Variants in SEL1L3 observed in about 807,000 individuals in gnomAD.
SEL1L3 encodes SEL1L family member 3.
In SEL1L3, 76 loss-of-function variants were observed where a neutral mutation model predicts 142.8. That is an observed-to-expected ratio of 0.53 (90% confidence interval 0.44 to 0.64). The LOEUF is 0.64. SEL1L3 is among the 30% of genes least tolerant of loss of function. The probability of loss-of-function intolerance (pLI) is 0.00; values close to 1 mark genes in which losing one functional copy is unlikely to be tolerated. For synonymous variants in SEL1L3, 504 were observed against 519.6 expected, an observed-to-expected ratio of 0.97 and a Z score of 0.41; for missense variants, 1,262 against 1,381.7, an observed-to-expected ratio of 0.91 and a Z score of 1.37.
At chr4:25,769,943 C>T (rs1044441695) in intron 17 of SEL1L3, among the ~76,000 whole-genome samples, 1 of 152,004 alleles carries the variant, frequency 6.6e-6, no homozygotes, top group Non-Finnish European at 1.5e-5. Flanking sequence ...GCCTGGGCAA[C>T]AGTAGAAACC....
downstream of SEL1L3, among the ~76,000 whole-genome samples, chr4:25,744,078 G>C (rs556741190): frequency 6.6e-6 from 1 of 152,242 alleles, no homozygotes; most frequent in East Asian, 1.9e-4. Flanking sequence ...CCTGAACCCA[G>C]GTTTGACCCT....
rs777436484 is a variant in SEL1L3 at position 25,830,109 on chromosome 4, A to T, written c.1146T>A (p.Asn382Lys). ...SIGQDLKSYHNQTISFREDFH... is the reference protein window; with the variant it reads ...SIGQDLKSYHKQTISFREDFH... ...AAAATCGCACTTACCTAATGGTCTG[A>T]TTGTGGTAGCTTTTCAAATCCTGTC... Residue 382 changes from asparagine (N) to lysine (K), a missense_variant, in exon 6 of 24, where the codon AAT becomes AAA. Coordinates refer to ENST00000399878, the MANE Select transcript of SEL1L3 (RefSeq NM_015187.5). The T allele has an allele frequency of 3.7e-6, 6 of 1,609,980 alleles. No homozygotes were observed. Among genetic ancestry groups the T allele is most frequent in the Non-Finnish European group, 5.1e-6 (6 of 1,176,454 alleles).
chr4:25,787,680 TCTCA>T (rs1365658141), intron 13 of SEL1L3, among the ~76,000 whole-genome samples: 2 of 152,194 alleles, frequency 1.3e-5, no homozygotes, highest in African/African-American at 2.4e-5. Flanking sequence ...GGTCCTATTA[TCTCA>T]CTCAATTTGT....
At chr4:25,777,586 C>A (rs909599016) in intron 16 of SEL1L3, 2 of 321,112 alleles carry the variant, frequency 6.2e-6, no homozygotes, top group South Asian at 2.6e-5. Context: ...TGACCATATA[C>A]CAATCATAAA....
chr4:25,772,463 G>C (rs557179721), intron 17 of SEL1L3, among the ~76,000 whole-genome samples: 2 of 152,258 alleles, frequency 1.3e-5, no homozygotes, highest in African/African-American at 4.8e-5. Flanking sequence ...CTATGACCTA[G>C]AGTCCCCACT....
chr4:25,810,374 A>T (rs1324076395), intron 9 of SEL1L3, among the ~76,000 whole-genome samples: 4 of 152,144 alleles, frequency 2.6e-5, no homozygotes, highest in Non-Finnish European at 5.9e-5. Flanking sequence ...CCATCCCTGC[A>T]GCCTCTCACC....
chr4:25,811,773 G>GTTTTTTT (rs1714047994), intron 9 of SEL1L3, among the ~76,000 whole-genome samples: 1 of 118,644 alleles, frequency 8.4e-6, no homozygotes, highest in Non-Finnish European at 1.7e-5. Context: ...TTTTGTTGTT[G>GTTTTTTT]TTGTTGTTAG....
Position 25,788,378 on chromosome 4 carries a change from G to A in SEL1L3, c.2077-14C>T. ...GGCCAATCGTTGCTTAAAGATAATAGCAATTTAGAACAATGACTTTTCCTG... is the reference window on the plus strand; with the variant it reads ...GGCCAATCGTTGCTTAAAGATAATAACAATTTAGAACAATGACTTTTCCTG... On this transcript the variant is annotated splice_polypyrimidine_tract_variant and intron_variant, in intron 12 of 23. Transcript: ENST00000399878. The surrounding 1 kb of genome is among the most constrained non-coding windows in gnomAD (Gnocchi z 5.3). The A allele has an allele frequency of 6.2e-7, 1 of 1,613,218 alleles. No homozygotes were observed. Among genetic ancestry groups the A allele is most frequent in the Non-Finnish European group, 8.5e-7 (1 of 1,179,670 alleles).
At position 25,750,047 on chromosome 4, in the gene SEL1L3, A is replaced by C. The variant is rs542886907; in HGVS notation, c.3260-1483T>G. On this transcript the variant is annotated intron_variant, in intron 23 of 23. Transcript: ENST00000399878. Reference sequence around the variant, plus strand: ...TCAGGAGTTTGAGACCAGGCTGGCCAACATGGTGAAACCCTCTCTCTACTA... The same window carrying C: ...TCAGGAGTTTGAGACCAGGCTGGCCCACATGGTGAAACCCTCTCTCTACTA... Among the ~76,000 whole-genome samples, 5 of 152,154 alleles carry C rather than the reference A, an allele frequency of 3.3e-5. No homozygotes were observed. In the East Asian group the frequency reaches 9.7e-4, roughly 30 times the overall value.
At chr4:25,769,944 A>G (rs1424805206) in intron 17 of SEL1L3, among the ~76,000 whole-genome samples, 6 of 152,166 alleles carry the variant, frequency 3.9e-5, no homozygotes, top group African/African-American at 1.4e-4. Context: ...CCTGGGCAAC[A>G]GTAGAAACCC....
Position 25,862,709 on chromosome 4 carries a change from C to G in SEL1L3, c.128G>C (p.Arg43Pro). ...GAGCAGGAGCAGCGCGCAGGCAGAG[C>G]GGCCGCCGAGGCCCTGGGGGACGCC... Reference protein sequence around the residue: ...SGGVPQGLGGRSACALLLLCY... With the variant: ...SGGVPQGLGGPSACALLLLCY... Residue 43 changes from arginine (R) to proline (P), a missense_variant, in exon 1 of 24, where the codon CGC becomes CCC. This residue lies in a region of SEL1L3 where 689 missense variants were observed against 692.8 expected (regional missense o/e 0.99). Transcript: ENST00000399878. 1 of 1,298,038 alleles carries G rather than the reference C, an allele frequency of 7.7e-7. No individual in the cohort carries two copies. Among genetic ancestry groups the G allele is most frequent in the Non-Finnish European group, 9.8e-7 (1 of 1,020,372 alleles). 80.4% of individuals were successfully genotyped at this position (1,298,038 alleles called of 1,614,324 possible).
chr4:25,748,499 C>G lies in SEL1L3; in HGVS notation c.3325G>C (p.Ala1109Pro), dbSNP rs768099099. 1 of 1,612,130 alleles carries G rather than the reference C, an allele frequency of 6.2e-7. No individual in the cohort carries two copies. The highest frequency in any genetic ancestry group is 1.1e-5 in the South Asian group (1 of 90,370). ...PDTATSTASP[A>P]VTPAADASDQ... The stretch of plus-strand genomic sequence containing the variant: ...GAGGCATCTGCAGCTGGAGTCACAG[C>G]TGGACTTGCAGTGGACGTGGCAGTG... Residue 1109 changes from alanine (A) to proline (P), a missense_variant, in exon 24 of 24, where the codon GCT becomes CCT. Coordinates refer to ENST00000399878, the MANE Select transcript of SEL1L3 (RefSeq NM_015187.5).
At chr4:25,742,494 C>T (rs1218571356), downstream of SEL1L3, among the ~76,000 whole-genome samples, 1 of 152,052 alleles carries the variant, frequency 6.6e-6, no homozygotes, top group Non-Finnish European at 1.5e-5. Context: ...GATGGGGTTT[C>T]ACCACGTTGG....
In SEL1L3 at chr4:25,831,513, T is replaced by TAATA. The variant is rs1560340097; in HGVS notation, c.1099-1358_1099-1357insTATT. ...TTTAAATAATAATAATAATAATAAT[T>TAATA]ATTATTATTATTATTATTATTATTA... On this transcript the variant is annotated intron_variant, in intron 5 of 23. Transcript: ENST00000399878. 6.5e-3 allele frequency among the ~76,000 whole-genome samples: 656 copies of TAATA among 100,778 alleles called. 3 individuals are homozygous for TAATA. The highest frequency in any genetic ancestry group is 0.016 in the Middle Eastern group (3 of 188). 66.1% of individuals were successfully genotyped at this position (100,778 alleles called of 152,430 possible).
At chr4:25,720,279 G>A in the SEL1L3 span, 92 of 152,218 alleles carry the variant, frequency 6.0e-4, no homozygotes, top group African/African-American at 2.2e-3. Flanking sequence ...CTACTGGGAA[G>A]AATTTTAAGG....
At chr4:25,798,079 AG>A (rs1428307290) in intron 11 of SEL1L3, among the ~76,000 whole-genome samples, 6 of 152,128 alleles carry the variant, frequency 3.9e-5, no homozygotes, top group Admixed American at 6.5e-5. Context: ...CCTGGCCAAA[AG>A]TTTGGTGTTG....
At chr4:25,777,000 C>T (rs1435614682) in intron 16 of SEL1L3, among the ~76,000 whole-genome samples, 2 of 151,406 alleles carry the variant, frequency 1.3e-5, no homozygotes, top group Non-Finnish European at 2.9e-5. Context: ...GGACAAAATA[C>T]ACCAATTAAA....
intron 20 of SEL1L3, among the ~76,000 whole-genome samples, chr4:25,764,073 A>G (rs967062020): frequency 6.6e-6 from 1 of 152,260 alleles, no homozygotes; most frequent in Non-Finnish European, 1.5e-5. Context: ...TCGTTAGAAC[A>G]GCATGGTAAT....
intron 23 of SEL1L3, 76 bp downstream of exon 23, chr4:25,757,456 CCA>C (rs1491313109): frequency 0.11 from 53,504 of 495,052 alleles, 412 homozygotes; most frequent in East Asian, 0.16. Flanking sequence ...TTCCAGTAGA[CCA>C]AAAAAAAAAA....
Sources: gnomAD v4.1 joint callset for allele counts (sites outside exome capture counted in the v4.1 genomes callset) on GRCh38, gnomAD v4.1.1 for gene constraint, gnomAD v4.1.1 regional missense constraint, Gnocchi (gnomAD v3.1) non-coding constraint, MANE v1.5 for transcripts, NCBI Gene and HGNC (gene_info 2026-07-23, HGNC 2026-07-21) for gene names.